Variants in GCN1 observed in about 807,000 individuals in gnomAD.
GCN1 encodes the protein GCN1 activator of EIF2AK4.
Under a neutral mutation model 288.4 loss-of-function variants are expected in GCN1, and 90 were observed. The ratio of observed to expected loss-of-function variants is 0.31; its 90% CI spans 0.26 to 0.37. The LOEUF (loss-of-function observed/expected upper bound fraction) is 0.37. Among genes scored for constraint, GCN1 ranks in the 10% least tolerant of loss-of-function variants. The probability of loss-of-function intolerance (pLI) is 1.00; values close to 1 mark genes in which losing one functional copy is unlikely to be tolerated. For synonymous variants in GCN1, 1,386 were observed against 1,420.2 expected, an observed-to-expected ratio of 0.98 and a Z score of 0.54; for missense variants, 2,586 against 3,419.9, an observed-to-expected ratio of 0.76 and a Z score of 6.08.
In GCN1 at chr12:120,184,194, C is replaced by T; in HGVS notation, c.235G>A (p.Glu79Lys). 6.2e-7 allele frequency: 1 copy of T among 1,613,892 alleles called. No homozygotes were observed. Among genetic ancestry groups the T allele is most frequent in the Non-Finnish European group, 8.5e-7 (1 of 1,179,782 alleles). Residue 79 changes from glutamate to lysine, a missense_variant, in exon 4 of 58, where the codon GAG becomes AAG. By Grantham distance (56) the Glu-to-Lys change is moderately conservative. This residue lies in a region of GCN1 where 913 missense variants were observed against 1,107.0 expected (regional missense o/e 0.82). Coordinates refer to ENST00000300648, the MANE Select transcript of GCN1 (RefSeq NM_006836.2). ...ALQAAIQQLA[E>K]AQPEATAKNL... ...TTAGCAGTGGCTTCTGGCTGGGCCT[C>T]AGCCAACTGCTGGATGGCTGCCTGC...
At chr12:120,138,609 C>T in intron 46 of GCN1, 86 bp downstream of exon 46, 1 of 1,403,766 alleles carries the variant, frequency 7.1e-7, no homozygotes, top group Non-Finnish European at 1.0e-6. Context: ...TTGCGACTGC[C>T]TTGGCAGAAT....
intron 5 of GCN1, among the ~76,000 whole-genome samples, chr12:120,180,815 T>C (rs1878632308): frequency 1.3e-5 from 2 of 150,800 alleles, no homozygotes; most frequent in South Asian, 2.1e-4. Context: ...GGTGAAACCC[T>C]GTCTCTACTA....
intron 16 of GCN1, among the ~76,000 whole-genome samples, chr12:120,165,358 C>T (rs148601086): frequency 6.6e-5 from 10 of 152,058 alleles, no homozygotes; most frequent in African/African-American, 9.6e-5. Flanking sequence ...TTAGTAGAGA[C>T]GGGGTTTCAC....
chr12:120,129,607 G>A (rs1876748332), intron 56 of GCN1, 113 bp from the exon 57 acceptor site: 3 of 761,440 alleles, frequency 3.9e-6, no homozygotes, highest in Non-Finnish European at 6.8e-6. Flanking sequence ...GACCCCCCCT[G>A]CTCCTGTGGG....
chr12:120,146,338 C>T (rs1270335574), intron 38 of GCN1, among the ~76,000 whole-genome samples: 1 of 149,658 alleles, frequency 6.7e-6, no homozygotes, highest in South Asian at 2.1e-4. Context: ...TTTTGGTTTT[C>T]TAATTTTTTT....
Position 120,138,836 on chromosome 12 carries a change from G to A in GCN1, c.6015C>T (p.Ser2005=). The A allele has an allele frequency of 6.2e-7, 1 of 1,612,662 alleles. No homozygotes were observed. Among genetic ancestry groups the A allele is most frequent in the Non-Finnish European group, 8.5e-7 (1 of 1,178,980 alleles). Residue 2005 remains serine, a synonymous_variant, in exon 46 of 58, where the codon TCC becomes TCT. Coordinates refer to ENST00000300648, the MANE Select transcript of GCN1 (RefSeq NM_006836.2). The stretch of plus-strand genomic sequence containing the variant: ...AAGCCTTCCTTGCCGTGGGCACGAG[G>A]GATTCAGAGAAATACAGCACCTGCA... ...SRDAVLYFSE[S]LVPTARKALC...
intron 1 of GCN1, 21 bp downstream of exon 1, chr12:120,194,659 C>T: frequency 6.6e-7 from 1 of 1,514,524 alleles, no homozygotes; most frequent in Non-Finnish European, 8.8e-7. Flanking sequence ...GCCGCGTTGG[C>T]CCCGCAGCCG....
intron 33 of GCN1, 80 bp from the exon 34 acceptor site, chr12:120,151,471 C>T (rs1426810090): frequency 4.2e-6 from 6 of 1,418,006 alleles, no homozygotes; most frequent in South Asian, 3.8e-5. Context: ...CCATTCTACA[C>T]AGCACCCACC....
At position 120,184,933 on chromosome 12, in the gene GCN1, G is replaced by C. The variant is rs973957607; in HGVS notation, c.122-46C>G. 2.3e-6 allele frequency: 3 copies of C among 1,312,878 alleles called. No individual in the cohort carries two copies. The African/African-American group carries it at 4.3e-5, about 19-fold the overall frequency. 81.3% of individuals were successfully genotyped at this position (1,312,878 alleles called of 1,614,324 possible). Reference sequence around the variant, plus strand: ...GACAGCGGTCAATAAAAATCACTTGGTAAGCCGCTGGAGTCAGGTATTCTG... The same window carrying C: ...GACAGCGGTCAATAAAAATCACTTGCTAAGCCGCTGGAGTCAGGTATTCTG... On this transcript the variant is annotated intron_variant, in intron 2 of 57. Coordinates refer to ENST00000300648, the MANE Select transcript of GCN1 (RefSeq NM_006836.2).
At position 120,153,708 on chromosome 12, in the gene GCN1, C is replaced by T. The variant is rs1877645509; in HGVS notation, c.3867+36G>A. On this transcript the variant is annotated intron_variant, in intron 32 of 57. Coordinates refer to ENST00000300648, the MANE Select transcript of GCN1 (RefSeq NM_006836.2). This position sits in a 1 kb window ranked among gnomAD's most constrained non-coding sequence, Gnocchi z 4.4. The stretch of plus-strand genomic sequence containing the variant: ...CCTTAGCGGGCTGGGACCCCCTTAC[C>T]TTCCCGTGGGTGTTCCCTGGCTGGG... 1.9e-6 allele frequency: 3 copies of T among 1,603,054 alleles called. No homozygotes were observed. The highest frequency in any genetic ancestry group is 1.7e-5 in the Admixed American group (1 of 59,692).
intron 20 of GCN1, 118 bp downstream of exon 20, chr12:120,162,729 G>T: frequency 8.7e-7 from 1 of 1,149,400 alleles, no homozygotes; most frequent in Non-Finnish European, 1.2e-6. Flanking sequence ...TGCAACCAAG[G>T]GTCCAAGCCT....
At chr12:120,183,266 C>T (rs1458271329) in intron 5 of GCN1, among the ~76,000 whole-genome samples, 4 of 152,220 alleles carry the variant, frequency 2.6e-5, no homozygotes, top group Non-Finnish European at 5.9e-5. Context: ...GTCTTCCCAA[C>T]TCTGGCCTGT....
chr12:120,160,045 A>T (rs1185146510), intron 23 of GCN1, 22 bp from the exon 24 acceptor site: 26 of 1,611,718 alleles, frequency 1.6e-5, no homozygotes, highest in Non-Finnish European at 2.1e-5. Flanking sequence ...GTTGTCCAGA[A>T]GGCAGGTCAG....
At position 120,129,481 on chromosome 12, in the gene GCN1, G is replaced by A. The variant is rs1224335846; in HGVS notation, c.7685C>T (p.Pro2562Leu). 7 of 1,612,896 alleles carry A rather than the reference G, an allele frequency of 4.3e-6. No individual in the cohort carries two copies. Among genetic ancestry groups the A allele is most frequent in the Non-Finnish European group, 5.9e-6 (7 of 1,178,864 alleles). ...SSLFVKCLQN[P>L]SSDIRLVAEK... ...AGCCACCAGCCTGATGTCGCTGGAT[G>A]GGTTCTGCAGACACTGTAAAAAGAA... The change falls in exon 57 of 58, where the codon CCA becomes CTA. Residue 2562 changes from proline (P) to leucine (L), a missense_variant. Pro to Leu is a moderately conservative substitution (Grantham distance 98). Around this residue, in one of 8 missense-constraint regions of GCN1, gnomAD observed 355 missense variants for 431.1 expected, o/e 0.82. Transcript: ENST00000300648.
chr12:120,190,519 C>A, intron 1 of GCN1, 119 bp from the exon 2 acceptor site: 1 of 666,506 alleles, frequency 1.5e-6, no homozygotes, highest in Non-Finnish European at 2.7e-6. Context: ...TCAACCTCCC[C>A]ACTGGTGACA....
At chr12:120,152,226 A>C (rs1270401479) in intron 33 of GCN1, among the ~76,000 whole-genome samples, 1 of 151,752 alleles carries the variant, frequency 6.6e-6, no homozygotes, top group East Asian at 1.9e-4. Context: ...ACAGGATCTC[A>C]CTATGTTGCC....
At position 120,157,901 on chromosome 12, in the gene GCN1, A is replaced by G; in HGVS notation, c.3035T>C (p.Val1012Ala). The change falls in exon 26 of 58, where the codon GTC (valine) becomes GCC (alanine). Residue 1012 changes from valine (V) to alanine (A), a missense_variant. Coordinates refer to ENST00000300648, the MANE Select transcript of GCN1 (RefSeq NM_006836.2). ...WMAQILQILT[V>A]QAQLRASPNT... ...GGGGGAGGCCCTCAGCTGGGCTTGG[A>G]CAGTGAGGATCTGAAGAATCTGGGC... is the stretch of plus-strand genomic sequence containing the variant. 1 of 1,613,980 alleles carries G rather than the reference A, an allele frequency of 6.2e-7. No homozygotes were observed. Among genetic ancestry groups the G allele is most frequent in the Non-Finnish European group, 8.5e-7 (1 of 1,180,036 alleles).
Position 120,142,551 on chromosome 12 carries a change from G to A in GCN1, c.5785C>T (p.Leu1929Phe). ...LREILPTLFG[L>F]LLGFLASTCA... is the part of the protein sequence containing the mutation. ...GTGCTGGCCAGGAAACCCAGCAGGA[G>A]CCCAAAGAGAGTGGGTAGGATCTCA... Residue 1929 changes from leucine (L) to phenylalanine (F), a missense_variant, in exon 44 of 58, where the codon CTC (leucine) becomes TTC (phenylalanine). This residue lies in a region of GCN1 where 437 missense variants were observed against 570.5 expected (regional missense o/e 0.77). Transcript: ENST00000300648. This position sits in a 1 kb window ranked among gnomAD's most constrained non-coding sequence, Gnocchi z 4.9. 1.2e-6 allele frequency: 2 copies of A among 1,614,064 alleles called. No individual in the cohort carries two copies. Among genetic ancestry groups the A allele is most frequent in the East Asian group, 4.5e-5 (2 of 44,870 alleles).
intron 1 of GCN1, among the ~76,000 whole-genome samples, 163 bp downstream of exon 1, chr12:120,194,517 A>C (rs2136123032): frequency 6.6e-6 from 1 of 152,086 alleles, no homozygotes; most frequent in African/African-American, 2.4e-5. Flanking sequence ...GGCCGGGCCA[A>C]GCCCGCAGCC....
Sources: allele counts gnomAD v4.1 joint callset (sites outside exome capture counted in the v4.1 genomes callset), GRCh38; gene constraint gnomAD v4.1.1; regional missense constraint gnomAD v4.1.1; non-coding constraint Gnocchi (gnomAD v3.1); transcripts MANE v1.5; gene names NCBI Gene and HGNC (gene_info 2026-07-23, HGNC 2026-07-21).